Variants in MASTL observed in about 807,000 individuals in gnomAD.
MASTL encodes the protein microtubule associated serine/threonine kinase like.
Under a neutral mutation model 82.5 loss-of-function variants are expected in MASTL, and 54 were observed. That is an observed-to-expected ratio of 0.65 (90% CI 0.53 to 0.82). MASTL has a LOEUF of 0.82. Ranked by LOEUF, MASTL falls within the 40% of genes least tolerant of loss-of-function variation. The pLI is 0.00. For synonymous variants in MASTL, 323 were observed against 368.9 expected, an observed-to-expected ratio of 0.88 and a Z score of 1.43; for missense variants, 950 against 1,047.8, an observed-to-expected ratio of 0.91 and a Z score of 1.29.
intron 9 of MASTL, among the ~76,000 whole-genome samples, chr10:27,176,594 AAAC>A (rs2058108567): frequency 6.6e-6 from 1 of 152,148 alleles, no homozygotes; most frequent in South Asian, 2.1e-4. Context: ...CTTGTGTATT[AAAC>A]CTTATTTGAG....
At chr10:27,156,353 A>C (rs1005420207) in intron 1 of MASTL, among the ~76,000 whole-genome samples, 3 of 151,778 alleles carry the variant, frequency 2.0e-5, no homozygotes, top group Admixed American at 6.6e-5. Context: ...AAAGGTTTTT[A>C]GTAATTAGTG....
intron 9 of MASTL, among the ~76,000 whole-genome samples, chr10:27,177,095 G>T (rs1418795995): frequency 6.6e-6 from 1 of 151,944 alleles, no homozygotes; most frequent in Non-Finnish European, 1.5e-5. Context: ...CACCCAAAGT[G>T]TTCAGCCTCC....
intron 11 of MASTL, among the ~76,000 whole-genome samples, chr10:27,181,928 A>G (rs2058335657): frequency 1.3e-5 from 2 of 151,992 alleles, no homozygotes; most frequent in Admixed American, 1.3e-4. Context: ...ACAAAAAAGT[A>G]GGCAGGCATA....
chr10:27,185,345 C>T (rs1221083381), intron 11 of MASTL, among the ~76,000 whole-genome samples: 1 of 151,938 alleles, frequency 6.6e-6, no homozygotes, highest in African/African-American at 2.4e-5. Context: ...TAACAAGATG[C>T]AGGCAGGGTG....
chr10:27,168,978 C>T (rs981847452), intron 7 of MASTL, among the ~76,000 whole-genome samples: 3 of 152,024 alleles, frequency 2.0e-5, no homozygotes, highest in Non-Finnish European at 4.4e-5. Flanking sequence ...TCACCAAGCA[C>T]CAATTTGCAA....
In MASTL at chr10:27,181,003, A is replaced by T; in HGVS notation, c.2317A>T (p.Thr773Ser). The T allele has an allele frequency of 6.2e-7, 1 of 1,613,824 alleles. No individual in the cohort carries two copies. Among genetic ancestry groups the T allele is most frequent in the East Asian group, 2.2e-5 (1 of 44,874 alleles). ...ALGVCLFEFLTGIPPFNDETP... is the reference protein window; with the variant it reads ...ALGVCLFEFLSGIPPFNDETP... ...TGGAGTTTGCTTGTTTGAATTTCTA[A>T]CAGGAATTCCCCCTTTCAATGATGA... Residue 773 changes from threonine (T) to serine (S), a missense_variant, in exon 10 of 12, where the codon ACA becomes TCA. Physicochemically the swap from Thr to Ser is moderately conservative, Grantham distance 58. Coordinates refer to ENST00000375940, the MANE Select transcript of MASTL (RefSeq NM_001172303.3).
At chr10:27,185,618 CAAAAAAAAA>C (rs34847161) in intron 11 of MASTL, among the ~76,000 whole-genome samples, 4 of 98,554 alleles carry the variant, frequency 4.1e-5, no homozygotes, top group East Asian at 3.0e-4. Context: ...AGGTGACAGA[CAAAAAAAAA>C]AAAAAAAAAA....
intron 10 of MASTL, 130 bp from the exon 11 acceptor site, chr10:27,181,350 T>C: frequency 8.4e-6 from 6 of 714,718 alleles, no homozygotes; most frequent in South Asian, 1.6e-5. Context: ...GAGATCACGC[T>C]TTTGCACTCC....
At chr10:27,177,367 C>T (rs531407795) in intron 9 of MASTL, among the ~76,000 whole-genome samples, 316 of 152,254 alleles carry the variant, frequency 2.1e-3, no homozygotes, top group African/African-American at 7.3e-3. Context: ...TTATAATTTG[C>T]ATTATCTCTA....
chr10:27,178,221 G>A (rs1019955419), intron 9 of MASTL, among the ~76,000 whole-genome samples: 5 of 151,962 alleles, frequency 3.3e-5, no homozygotes, highest in African/African-American at 9.7e-5. Flanking sequence ...GCGAAACCCC[G>A]TCTCCACTTA....
At chr10:27,155,692 G>T in intron 1 of MASTL, 80 bp downstream of exon 1, 1 of 1,543,664 alleles carries the variant, frequency 6.5e-7, no homozygotes, top group South Asian at 1.1e-5. Flanking sequence ...GCAGGCCCCG[G>T]GGTTGCTGGA....
chr10:27,155,523 G>C lies in MASTL; in HGVS notation c.97G>C (p.Glu33Gln). The C allele has an allele frequency of 6.2e-7, 1 of 1,614,214 alleles. No individual in the cohort carries two copies. Among genetic ancestry groups the C allele is most frequent in the African/African-American group, 1.3e-5 (1 of 75,072 alleles). Residue 33 changes from glutamate (E) to glutamine (Q), a missense_variant, in exon 1 of 12, where the codon GAG becomes CAG. Transcript: ENST00000375940. ...CGCAGTGCCAAAACCGCCCTCCATTGAGGAATTCAGCATAGTGAAGCCCAT... is the reference window on the plus strand; with the variant it reads ...CGCAGTGCCAAAACCGCCCTCCATTCAGGAATTCAGCATAGTGAAGCCCAT... The part of the protein sequence containing the change: ...RIAVPKPPSI[E>Q]EFSIVKPISR...
chr10:27,157,591 CCAGT>C (rs1245523860), intron 1 of MASTL, among the ~76,000 whole-genome samples: 1 of 152,046 alleles, frequency 6.6e-6, no homozygotes, highest in Non-Finnish European at 1.5e-5. Context: ...AGAATTGATC[CCAGT>C]GTTACTGACT....
intron 9 of MASTL, among the ~76,000 whole-genome samples, chr10:27,179,852 G>A (rs547198003): frequency 7.0e-4 from 107 of 152,260 alleles, no homozygotes; most frequent in Non-Finnish European, 9.3e-4. Flanking sequence ...GAATAATCAT[G>A]TAAATGTTTA....
At position 27,187,621 on chromosome 10, in the gene MASTL, G is replaced by A. The variant is rs752888487; in HGVS notation, c.*1085G>A. 5.9e-5 allele frequency among the ~76,000 whole-genome samples: 9 copies of A among 151,708 alleles called. No homozygotes were observed. Among genetic ancestry groups the A allele is most frequent in the Admixed American group, 1.3e-4 (2 of 15,198 alleles). On this transcript the variant is annotated 3_prime_UTR_variant, in exon 12 of 12. Transcript: ENST00000375940. Reference sequence around the variant, plus strand: ...AGAAAAATTAGCCAGGTATGGTGACGCACACCTGTAGTCCCAGCTACTTGG... The same window carrying A: ...AGAAAAATTAGCCAGGTATGGTGACACACACCTGTAGTCCCAGCTACTTGG...
At chr10:27,155,248 C>G, upstream of MASTL, 1 of 644,414 alleles carries the variant, frequency 1.6e-6, no homozygotes, top group South Asian at 1.9e-5. Flanking sequence ...GAAGTCGGGG[C>G]TTTCCCGACG....
intron 9 of MASTL, among the ~76,000 whole-genome samples, chr10:27,179,044 G>A (rs1309675863): frequency 6.6e-6 from 1 of 152,098 alleles, no homozygotes; most frequent in Non-Finnish European, 1.5e-5. Context: ...TGCAGTGGTG[G>A]CAGTTGTTTA....
At chr10:27,182,363 T>C (rs893524616) in intron 11 of MASTL, among the ~76,000 whole-genome samples, 1 of 152,202 alleles carries the variant, frequency 6.6e-6, no homozygotes, top group African/African-American at 2.4e-5. Context: ...ATATTGGTCC[T>C]TATTCTACAT....
chr10:27,164,985 C>A, intron 4 of MASTL, 79 bp from the exon 5 acceptor site: 1 of 958,256 alleles, frequency 1.0e-6, no homozygotes, highest in Non-Finnish European at 1.7e-6. Flanking sequence ...GTTTTGTTGT[C>A]ATATACATAA....
Sources: gnomAD v4.1 joint callset for allele counts (sites outside exome capture counted in the v4.1 genomes callset) on GRCh38, gnomAD v4.1.1 for gene constraint, MANE v1.5 for transcripts, NCBI Gene and HGNC (gene_info 2026-07-23, HGNC 2026-07-21) for gene names.